Variants in NAALADL2 observed in about 807,000 individuals in gnomAD.
NAALADL2 encodes inactive N-acetylated-alpha-linked acidic dipeptidase-like protein 2.
In NAALADL2, 76 loss-of-function variants were observed where a neutral mutation model predicts 87.2. The ratio of observed to expected loss-of-function variants is 0.87; its 90% CI spans 0.72 to 1.05. The LOEUF (loss-of-function observed/expected upper bound fraction) is 1.05. Ranked by LOEUF, NAALADL2 falls within the 50% of genes least tolerant of loss-of-function variation. The pLI, the probability that NAALADL2 is intolerant of heterozygous loss-of-function variation, is 0.00. For synonymous variants in NAALADL2, 354 were observed against 331.0 expected, an observed-to-expected ratio of 1.07 and a Z score of -0.75; for missense variants, 1,089 against 945.8, an observed-to-expected ratio of 1.15 and a Z score of -1.99.
At chr3:175,002,008 G>A (rs1178417438) in intron 1 of NAALADL2, among the ~76,000 whole-genome samples, 4 of 152,114 alleles carry the variant, frequency 2.6e-5, no homozygotes, top group Non-Finnish European at 4.4e-5. Flanking sequence ...CCCTATGCAA[G>A]CATGCCCAAA....
chr3:174,767,615 A>G (rs1347082673), intron 3 of NAALADL2, among the ~76,000 whole-genome samples: 1 of 152,180 alleles, frequency 6.6e-6, no homozygotes, highest in African/African-American at 2.4e-5. Context: ...GATTGACCTA[A>G]GTAATGGGGC....
chr3:175,004,520 A>G (rs992292928), intron 1 of NAALADL2, among the ~76,000 whole-genome samples: 1 of 151,640 alleles, frequency 6.6e-6, no homozygotes, highest in Non-Finnish European at 1.5e-5. Context: ...TAGTTACCTC[A>G]AACACATTAT....
intron 1 of NAALADL2, among the ~76,000 whole-genome samples, chr3:174,520,211 C>T (rs1720190113): frequency 6.6e-6 from 1 of 152,102 alleles, no homozygotes; most frequent in African/African-American, 2.4e-5. Flanking sequence ...TTAGAAAAAA[C>T]AATCCTAAAG....
chr3:175,765,109 A>G (rs1393793573), intron 13 of NAALADL2, among the ~76,000 whole-genome samples: 1 of 152,152 alleles, frequency 6.6e-6, no homozygotes, highest in Non-Finnish European at 1.5e-5. Flanking sequence ...TGCTTTTAAC[A>G]TATTTTAATA....
At chr3:175,303,596 T>G (rs1283660614) in intron 4 of NAALADL2, among the ~76,000 whole-genome samples, 1 of 152,208 alleles carries the variant, frequency 6.6e-6, no homozygotes, top group Non-Finnish European at 1.5e-5. Flanking sequence ...TTTTAAGATT[T>G]TGTATAAAAA....
intron 2 of NAALADL2, among the ~76,000 whole-genome samples, chr3:174,726,027 TTTAA>T (rs1303202001): frequency 1.3e-5 from 2 of 152,172 alleles, no homozygotes; most frequent in African/African-American, 2.4e-5. Flanking sequence ...CTAATCTCTC[TTTAA>T]TTAACTGCAG....
intron 11 of NAALADL2, among the ~76,000 whole-genome samples, chr3:175,684,100 A>G (rs937166169): frequency 6.6e-6 from 1 of 152,070 alleles, no homozygotes; most frequent in Non-Finnish European, 1.5e-5. Context: ...AAGGAGATGC[A>G]TTATATTGAC....
chr3:175,149,173 G>T (rs1487139159), intron 2 of NAALADL2, among the ~76,000 whole-genome samples: 1 of 151,908 alleles, frequency 6.6e-6, no homozygotes, highest in Non-Finnish European at 1.5e-5. Context: ...TCACCTCCTT[G>T]GTTAGATAGT....
At chr3:175,274,483 T>C (rs1370391199) in intron 4 of NAALADL2, among the ~76,000 whole-genome samples, 1 of 152,202 alleles carries the variant, frequency 6.6e-6, no homozygotes, top group Non-Finnish European at 1.5e-5. Context: ...ATAGTCAAAT[T>C]TCAAAACATT....
chr3:175,200,425 GA>G (rs1253342998), intron 2 of NAALADL2, among the ~76,000 whole-genome samples: 1 of 151,810 alleles, frequency 6.6e-6, no homozygotes, highest in Non-Finnish European at 1.5e-5. Context: ...AAACATAACT[GA>G]AAAAAAGGAA....
intron 10 of NAALADL2, among the ~76,000 whole-genome samples, chr3:175,625,889 A>T (rs1368660657): frequency 1.3e-5 from 2 of 151,990 alleles, no homozygotes; most frequent in East Asian, 3.9e-4. Context: ...CACTATAGTT[A>T]TTCTATTCAT....
intron 9 of NAALADL2, among the ~76,000 whole-genome samples, chr3:175,498,815 G>C (rs6776049): frequency 0.032 from 4,857 of 152,108 alleles, 280 homozygotes; most frequent in African/African-American, 0.11. Flanking sequence ...GAATGTGACT[G>C]TATTTAGATA....
chr3:174,863,235 C>T (rs147254757), intron 1 of NAALADL2, among the ~76,000 whole-genome samples: 21 of 152,164 alleles, frequency 1.4e-4, no homozygotes, highest in African/African-American at 4.3e-4. Flanking sequence ...TGCAGTTTTA[C>T]GGAAGAATTT....
At chr3:174,897,721 A>G (rs1321880751) in intron 1 of NAALADL2, among the ~76,000 whole-genome samples, 1 of 152,204 alleles carries the variant, frequency 6.6e-6, no homozygotes, top group Non-Finnish European at 1.5e-5. Flanking sequence ...GCACTCCTAT[A>G]ATTGTCACAG....
intron 3 of NAALADL2, chr3:175,234,865 G>A (rs1352390132): frequency 2.6e-5 from 4 of 152,136 alleles, no homozygotes; most frequent in South Asian, 2.1e-4. Context: ...CTGTATTGGA[G>A]TCAATAATAG....
intron 3 of NAALADL2, among the ~76,000 whole-genome samples, chr3:174,754,035 G>A (rs1393517803): frequency 6.6e-6 from 1 of 152,154 alleles, no homozygotes; most frequent in Admixed American, 6.5e-5. Context: ...CTCCCAAACT[G>A]TGGGAAACAA....
intron 1 of NAALADL2, among the ~76,000 whole-genome samples, chr3:174,987,812 TTATA>T: frequency 8.3e-6 from 1 of 120,082 alleles, no homozygotes; most frequent in Admixed American, 7.8e-5. Context: ...ATATATATAA[TTATA>T]TATATATATA....
At chr3:174,754,679 C>T (rs988554797) in intron 3 of NAALADL2, among the ~76,000 whole-genome samples, 1 of 151,912 alleles carries the variant, frequency 6.6e-6, no homozygotes, top group Admixed American at 6.6e-5. Context: ...GATTTGCTTG[C>T]TTAACATTAA....
chr3:174,643,738 A>G (rs1723493616), intron 2 of NAALADL2, among the ~76,000 whole-genome samples: 1 of 152,224 alleles, frequency 6.6e-6, no homozygotes. Flanking sequence ...AATCAAAATT[A>G]AAAGCTAACT....
Sources: allele counts gnomAD v4.1 joint callset (sites outside exome capture counted in the v4.1 genomes callset), GRCh38; gene constraint gnomAD v4.1.1; transcripts MANE v1.5; gene names NCBI Gene and HGNC (gene_info 2026-07-23, HGNC 2026-07-21).